The following NRXN3 variants were observed in gnomAD, a reference collection of about 807,000 sequenced individuals.
NRXN3 encodes the protein neurexin III.
NRXN3 carries 32 observed loss-of-function variants against 137.6 expected under a neutral mutation model. The ratio of observed to expected loss-of-function variants is 0.23; its 90% CI spans 0.18 to 0.31. NRXN3 has a LOEUF of 0.31. Among genes scored for constraint, NRXN3 ranks in the 10% least tolerant of loss-of-function variants. The pLI is 1.00. For synonymous variants in NRXN3, 798 were observed against 784.5 expected (o/e 1.02, Z -0.29); for missense variants, 1,574 against 2,062.5 (o/e 0.76, Z 4.59).
At chr14:78,547,014 C>G (rs1019739442) in intron 4 of NRXN3, among the ~76,000 whole-genome samples, 1 of 152,184 alleles carries the variant, frequency 6.6e-6, no homozygotes, top group Non-Finnish European at 1.5e-5. Flanking sequence ...AAAAAAGCCA[C>G]TCTTTTCCCA....
chr14:78,523,100 A>T (rs1427214521), intron 4 of NRXN3, among the ~76,000 whole-genome samples: 3 of 152,236 alleles, frequency 2.0e-5, no homozygotes, highest in Non-Finnish European at 4.4e-5. Flanking sequence ...ATCACATACC[A>T]TGACAATAGA....
At chr14:78,802,347 C>T (rs189787747) in intron 8 of NRXN3, among the ~76,000 whole-genome samples, 1 of 152,016 alleles carries the variant, frequency 6.6e-6, no homozygotes, top group Non-Finnish European at 1.5e-5. Context: ...AACACATGGA[C>T]ACAGGAAGGG....
chr14:78,867,747 A>T (rs1409664410), intron 10 of NRXN3, among the ~76,000 whole-genome samples: 1 of 152,144 alleles, frequency 6.6e-6, no homozygotes, highest in Non-Finnish European at 1.5e-5. Flanking sequence ...CCAGTTTATT[A>T]ACATTAGATT....
rs533687512 is a variant in NRXN3, at chr14:78,861,775, T to C, written c.2275+51431T>C. ...CTGTTTTAAACATGCACTCACATCCTGTCATCAGTAAAACCAAGTGTCAGT... is the reference window on the plus strand; with the variant it reads ...CTGTTTTAAACATGCACTCACATCCCGTCATCAGTAAAACCAAGTGTCAGT... On this transcript the variant is annotated intron_variant, in intron 10 of 20. Coordinates refer to ENST00000335750, the MANE Select transcript of NRXN3 (RefSeq NM_001330195.2). Among the ~76,000 whole-genome samples, 7 of 152,254 alleles carry C rather than the reference T, an allele frequency of 4.6e-5. No homozygotes were observed. The South Asian group carries it at 1.4e-3, about 32-fold the overall frequency.
chr14:79,613,712 T>C (rs993926162), intron 16 of NRXN3, among the ~76,000 whole-genome samples: 15 of 152,242 alleles, frequency 9.9e-5, no homozygotes, highest in African/African-American at 3.6e-4. Flanking sequence ...TCACCCAGTA[T>C]GTGTTGACTA....
intron 18 of NRXN3, among the ~76,000 whole-genome samples, chr14:79,694,637 T>C (rs574020690): frequency 6.6e-6 from 1 of 151,994 alleles, no homozygotes; most frequent in Non-Finnish European, 1.5e-5. Flanking sequence ...TGGGGAAATC[T>C]TGGGCAAATG....
At chr14:79,162,652 C>T (rs373314961) in intron 15 of NRXN3, among the ~76,000 whole-genome samples, 2 of 151,856 alleles carry the variant, frequency 1.3e-5, no homozygotes, top group African/African-American at 4.8e-5. Flanking sequence ...CAATGAGATA[C>T]CATCTCACAC....
chr14:78,671,666 C>T (rs1430027553), intron 6 of NRXN3, among the ~76,000 whole-genome samples: 1 of 151,966 alleles, frequency 6.6e-6, no homozygotes, highest in Non-Finnish European at 1.5e-5. Context: ...TATGCATTTT[C>T]CTATAATTTG....
chr14:78,254,853 C>CT (rs962376401), intron 2 of NRXN3, among the ~76,000 whole-genome samples: 152 of 151,708 alleles, frequency 1.0e-3, no homozygotes, highest in African/African-American at 3.5e-3. Flanking sequence ...TCTTTCTTTT[C>CT]TTTTTTTTAA....
At chr14:79,046,197 CT>C (rs2099632911) in intron 15 of NRXN3, among the ~76,000 whole-genome samples, 1 of 152,162 alleles carries the variant, frequency 6.6e-6, no homozygotes, top group African/African-American at 2.4e-5. Flanking sequence ...CCTCTTTCCC[CT>C]CCCCTCCTCT....
At chr14:79,490,930 A>G (rs747866643) in intron 16 of NRXN3, among the ~76,000 whole-genome samples, 3 of 152,166 alleles carry the variant, frequency 2.0e-5, no homozygotes, top group Non-Finnish European at 2.9e-5. Flanking sequence ...TACTTCATAA[A>G]TATATACACC....
intron 8 of NRXN3, among the ~76,000 whole-genome samples, chr14:78,778,747 T>TC (rs2098755285): frequency 7.2e-6 from 1 of 138,678 alleles, no homozygotes; most frequent in African/African-American, 2.9e-5. Context: ...TCTTTCTTTC[T>TC]TTCCTTCTTT....
intron 19 of NRXN3, among the ~76,000 whole-genome samples, chr14:79,780,075 G>C (rs2099109137): frequency 6.6e-6 from 1 of 151,846 alleles, no homozygotes; most frequent in East Asian, 1.9e-4. Flanking sequence ...ATTTTCATAA[G>C]AGGATCCACA....
chr14:79,795,380 A>AT (rs2099158013), intron 19 of NRXN3, among the ~76,000 whole-genome samples: 1 of 152,012 alleles, frequency 6.6e-6, no homozygotes, highest in Admixed American at 6.6e-5. Flanking sequence ...CTACCTAGAG[A>AT]TTTTTTATAT....
At chr14:78,719,260 A>G (rs1395077911) in intron 8 of NRXN3, among the ~76,000 whole-genome samples, 1 of 152,202 alleles carries the variant, frequency 6.6e-6, no homozygotes, top group Non-Finnish European at 1.5e-5. Context: ...ACAGTACAAC[A>G]TTTATCTGAC....
At chr14:78,614,891 C>A in intron 4 of NRXN3, 2 of 453,392 alleles carry the variant, frequency 4.4e-6, no homozygotes, top group South Asian at 3.1e-5. Flanking sequence ...GGGGGCTCAG[C>A]AGCTAGTGGA....
intron 4 of NRXN3, among the ~76,000 whole-genome samples, chr14:78,392,352 C>A (rs2090893816): frequency 6.6e-6 from 1 of 152,152 alleles, no homozygotes; most frequent in Admixed American, 6.5e-5. Flanking sequence ...AGATCGTAAG[C>A]CCTAAAAGTT....
chr14:79,076,953 G>C (rs1038522239), intron 15 of NRXN3, among the ~76,000 whole-genome samples: 2 of 152,128 alleles, frequency 1.3e-5, no homozygotes, highest in African/African-American at 4.8e-5. Flanking sequence ...CCATGAAACT[G>C]TGTCTAGTTT....
chr14:78,654,303 T>C (rs879933292), intron 6 of NRXN3, among the ~76,000 whole-genome samples: 1 of 152,216 alleles, frequency 6.6e-6, no homozygotes, highest in Non-Finnish European at 1.5e-5. Flanking sequence ...CTTCTTCCCC[T>C]TCCTTTTCCT....
Sources: gnomAD v4.1 joint callset for allele counts (sites outside exome capture counted in the v4.1 genomes callset) on GRCh38, gnomAD v4.1.1 for gene constraint, MANE v1.5 for transcripts, NCBI Gene and HGNC (gene_info 2026-07-23, HGNC 2026-07-21) for gene names.